The following CCDC13 variants were observed in gnomAD, a reference collection of about 807,000 sequenced individuals.
The protein encoded by CCDC13 is coiled-coil domain containing 13.
CCDC13 carries 70 observed loss-of-function variants against 87.3 expected under a neutral mutation model. The ratio of observed to expected loss-of-function variants is 0.80; its 90% CI spans 0.66 to 0.98. CCDC13 has a LOEUF of 0.98. Ranked by LOEUF, CCDC13 falls within the 50% of genes least tolerant of loss-of-function variation. The probability of loss-of-function intolerance (pLI) is 0.00; values close to 1 mark genes in which losing one functional copy is unlikely to be tolerated. For missense variants in CCDC13, 842 were observed against 892.0 expected (o/e 0.94, Z 0.71); for synonymous variants, 317 against 360.3 (o/e 0.88, Z 1.36).
chr3:42,762,138 T>C (rs1699845252), intron 1 of CCDC13, among the ~76,000 whole-genome samples: 2 of 152,308 alleles, frequency 1.3e-5, no homozygotes, highest in African/African-American at 4.8e-5. Flanking sequence ...CATGGGATGG[T>C]TTAACTGCTG....
intron 3 of CCDC13, among the ~76,000 whole-genome samples, chr3:42,753,319 TC>T (rs1474061828): frequency 6.6e-6 from 1 of 152,206 alleles, no homozygotes; most frequent in Admixed American, 6.5e-5. Context: ...GATCGGCCAA[TC>T]CCCAACCAAC....
Position 42,763,101 on chromosome 3 carries a change from A to T in CCDC13, c.-6-4750T>A, listed in dbSNP as rs140011271. ...TCGAAAAAGATTTATGAACAGAAAA[A>T]GGAAAGTGATGAACAGAAAGCACAA... On this transcript the variant is annotated intron_variant, in intron 1 of 15. Coordinates refer to ENST00000310232, the MANE Select transcript of CCDC13 (RefSeq NM_144719.4). 5.6e-3 allele frequency among the ~76,000 whole-genome samples: 848 copies of T among 152,352 alleles called. 4 individuals are homozygous for T. The highest frequency in any genetic ancestry group is 9.3e-3 in the Non-Finnish European group (635 of 68,026).
intron 5 of CCDC13, among the ~76,000 whole-genome samples, chr3:42,751,323 C>T (rs1237337240): frequency 6.6e-6 from 1 of 152,244 alleles, no homozygotes; most frequent in Non-Finnish European, 1.5e-5. Flanking sequence ...GTCAGACTGA[C>T]TTCCTTTCAT....
At chr3:42,742,838 G>GCA in intron 8 of CCDC13, 58 bp downstream of exon 8, 1 of 1,595,284 alleles carries the variant, frequency 6.3e-7, no homozygotes, top group Non-Finnish European at 8.6e-7. Flanking sequence ...GCCCTTGCAG[G>GCA]CACCATCATG....
rs749301195 is a variant in CCDC13, at chr3:42,745,974, C to T, written c.774G>A (p.Ser258=). Residue 258 remains serine, a synonymous_variant, in exon 7 of 16, where the codon TCG becomes TCA. Coordinates refer to ENST00000310232, the MANE Select transcript of CCDC13 (RefSeq NM_144719.4). ...GAGCCCGACCCCTCCAGGTCCCTGGCGAAGATAGGAGCTGCTGAACGTTGA... is the reference window on the plus strand; with the variant it reads ...GAGCCCGACCCCTCCAGGTCCCTGGTGAAGATAGGAGCTGCTGAACGTTGA... ...EDINVQQLLS[S]PGTWRGRAQQ... 11 of 1,614,026 alleles carry T rather than the reference C, an allele frequency of 6.8e-6. No homozygotes were observed. Among genetic ancestry groups the T allele is most frequent in the East Asian group, 4.5e-5 (2 of 44,898 alleles).
intron 1 of CCDC13, among the ~76,000 whole-genome samples, chr3:42,762,019 C>T (rs979104477): frequency 6.6e-6 from 1 of 152,204 alleles, no homozygotes; most frequent in Admixed American, 6.5e-5. Flanking sequence ...TACCCAGTTA[C>T]TCTTAAACTT....
At chr3:42,728,924 G>A (rs1040493775) in intron 13 of CCDC13, among the ~76,000 whole-genome samples, 3 of 144,890 alleles carry the variant, frequency 2.1e-5, no homozygotes, top group African/African-American at 7.8e-5. Flanking sequence ...TGCCCTGCTT[G>A]CCTCACCCAA....
intron 13 of CCDC13, among the ~76,000 whole-genome samples, chr3:42,717,549 T>C (rs577214218): frequency 2.0e-5 from 3 of 152,290 alleles, no homozygotes; most frequent in African/African-American, 7.2e-5. Flanking sequence ...GAAATAGAGA[T>C]AACGGTTGCA....
At chr3:42,710,341 C>T (rs910029365) in intron 14 of CCDC13, among the ~76,000 whole-genome samples, 11 of 151,940 alleles carry the variant, frequency 7.2e-5, no homozygotes, top group East Asian at 3.9e-4. Flanking sequence ...GGATTACAGG[C>T]GTAAACCACC....
intron 1 of CCDC13, among the ~76,000 whole-genome samples, chr3:42,761,079 G>A (rs1477965432): frequency 6.6e-6 from 1 of 152,168 alleles, no homozygotes; most frequent in Non-Finnish European, 1.5e-5. Flanking sequence ...CACAGACACT[G>A]GAATTATTAA....
chr3:42,720,488 C>A (rs1177075344), intron 13 of CCDC13, among the ~76,000 whole-genome samples: 2 of 152,160 alleles, frequency 1.3e-5, no homozygotes, highest in African/African-American at 4.8e-5. Flanking sequence ...CCCAAACTTA[C>A]CAAGGTTTTC....
chr3:42,727,881 GAAA>G (rs551216327), intron 13 of CCDC13, among the ~76,000 whole-genome samples: 1 of 151,500 alleles, frequency 6.6e-6, no homozygotes. Context: ...GAAGAAAGGA[GAAA>G]AAAAGGAACA....
intron 13 of CCDC13, among the ~76,000 whole-genome samples, chr3:42,728,015 C>G (rs769241300): frequency 6.6e-6 from 1 of 152,134 alleles, no homozygotes; most frequent in Non-Finnish European, 1.5e-5. Context: ...AGAACAAAGC[C>G]GACTACGTGC....
chr3:42,715,393 G>C (rs1383247673), intron 13 of CCDC13, among the ~76,000 whole-genome samples: 1 of 152,020 alleles, frequency 6.6e-6, no homozygotes, highest in East Asian at 1.9e-4. Flanking sequence ...TGGATCACTT[G>C]AGTCCAGGAG....
At chr3:42,764,005 G>T (rs1215541296) in intron 1 of CCDC13, among the ~76,000 whole-genome samples, 2 of 152,180 alleles carry the variant, frequency 1.3e-5, no homozygotes, top group African/African-American at 4.8e-5. Context: ...AAGGTTGGGA[G>T]GGGGGAGCTT....
chr3:42,714,881 A>G (rs1311014801), intron 13 of CCDC13, among the ~76,000 whole-genome samples: 1 of 152,248 alleles, frequency 6.6e-6, no homozygotes, highest in African/African-American at 2.4e-5. Flanking sequence ...GCCCATCATC[A>G]GGGGACAAAC....
intron 1 of CCDC13, among the ~76,000 whole-genome samples, chr3:42,769,744 G>A (rs116288068): frequency 0.012 from 1,877 of 152,364 alleles, 44 homozygotes; most frequent in African/African-American, 0.042. Flanking sequence ...GGGGCTGCGC[G>A]CAGCGCTTGC....
At chr3:42,757,353 G>A (rs1575329162) in intron 2 of CCDC13, 139 bp from the exon 3 acceptor site, 10 of 787,306 alleles carry the variant, frequency 1.3e-5, no homozygotes, top group East Asian at 1.1e-4. Context: ...TTTCAATGTC[G>A]TTCATTAGCT....
Position 42,746,046 on chromosome 3 carries a change from T to A in CCDC13, c.721-19A>T. On this transcript the variant is annotated intron_variant, in intron 6 of 15. Coordinates refer to ENST00000310232, the MANE Select transcript of CCDC13 (RefSeq NM_144719.4). ...CCAAAACCTGAAATAAGGCAGGGCC[T>A]TCAATGTGGCCAAAAGAGAGGGCTC... The A allele has an allele frequency of 8.1e-6, 13 of 1,596,088 alleles. No individual in the cohort carries two copies. Among genetic ancestry groups the A allele is most frequent in the Non-Finnish European group, 1.1e-5 (13 of 1,163,774 alleles).
Sources: gnomAD v4.1 joint callset for allele counts (sites outside exome capture counted in the v4.1 genomes callset) on GRCh38, gnomAD v4.1.1 for gene constraint, MANE v1.5 for transcripts, NCBI Gene and HGNC (gene_info 2026-07-23, HGNC 2026-07-21) for gene names.